Variants in COL4A3 observed in about 807,000 individuals in gnomAD.
COL4A3 encodes the protein collagen type IV alpha 3 chain.
COL4A3 carries 135 observed loss-of-function variants against 217.4 expected under a neutral mutation model. The ratio of observed to expected loss-of-function variants is 0.62; its 90% CI spans 0.54 to 0.72. The LOEUF (loss-of-function observed/expected upper bound fraction) is 0.72, where lower values mean the gene tolerates loss of function less well. Ranked by LOEUF, COL4A3 falls within the 30% of genes least tolerant of loss-of-function variation. The pLI, the probability that COL4A3 is intolerant of heterozygous loss-of-function variation, is 0.00. For missense variants in COL4A3, 1,868 were observed against 2,119.9 expected, an observed-to-expected ratio of 0.88 and a Z score of 2.33; for synonymous variants, 690 against 736.3, an observed-to-expected ratio of 0.94 and a Z score of 1.02.
chr2:227,175,158 T>TA (rs573055273), intron 1 of COL4A3, among the ~76,000 whole-genome samples: 23 of 152,130 alleles, frequency 1.5e-4, no homozygotes, highest in Non-Finnish European at 3.1e-4. Flanking sequence ...CTACCAATTT[T>TA]ACCACTTCTG....
At chr2:227,225,060 C>G (rs554204706) in intron 1 of COL4A3, among the ~76,000 whole-genome samples, 1 of 152,086 alleles carries the variant, frequency 6.6e-6, no homozygotes, top group African/African-American at 2.4e-5. Context: ...TACAGGCTTG[C>G]GCCACCATGC....
chr2:227,211,815 G>A (rs1216515983), intron 1 of COL4A3, among the ~76,000 whole-genome samples: 7 of 151,980 alleles, frequency 4.6e-5, no homozygotes, highest in South Asian at 2.1e-4. Context: ...GCGCCACCAC[G>A]CCCACCTAAT....
At chr2:227,166,304 G>C (rs2065276048) in intron 1 of COL4A3, among the ~76,000 whole-genome samples, 1 of 152,198 alleles carries the variant, frequency 6.6e-6, no homozygotes, top group Non-Finnish European at 1.5e-5. Flanking sequence ...AGGCATGATA[G>C]ATAAAACTCA....
Position 227,310,736 on chromosome 2 carries a change from A to G in COL4A3, c.4756-40A>G, listed in dbSNP as rs114123904. 7.7e-4 allele frequency: 1,220 copies of G among 1,586,846 alleles called. 10 individuals carry two copies. The African/African-American group carries it at 0.015, about 19-fold the overall frequency. The stretch of plus-strand genomic sequence containing the variant: ...TAGAGAATTGAAAATTTGAACCCCA[A>G]TGGACAGAGTGTTTATTCAGATTTT... On this transcript the variant is annotated intron_variant, in intron 50 of 51. Transcript: ENST00000396578.
intron 24 of COL4A3, among the ~76,000 whole-genome samples, chr2:227,270,526 G>GTATTAAATTA (rs1175001245): frequency 6.6e-6 from 1 of 152,088 alleles, no homozygotes; most frequent in African/African-American, 2.4e-5. Flanking sequence ...TTGTTCTATG[G>GTATTAAATTA]TATTAAATTA....
intron 1 of COL4A3, among the ~76,000 whole-genome samples, chr2:227,232,571 G>T (rs2068463618): frequency 6.6e-6 from 1 of 152,000 alleles, no homozygotes; most frequent in South Asian, 2.1e-4. Context: ...CATTTTAACT[G>T]GGGTGAGATG....
intron 1 of COL4A3, among the ~76,000 whole-genome samples, chr2:227,235,567 C>T (rs895762613): frequency 6.6e-6 from 1 of 152,032 alleles, no homozygotes; most frequent in African/African-American, 2.4e-5. Context: ...TACACTGTAC[C>T]CAGTGTGTGG....
At chr2:227,220,395 G>C (rs13415798) in intron 1 of COL4A3, among the ~76,000 whole-genome samples, 37,890 of 151,514 alleles carry the variant, frequency 0.25, 5,504 homozygotes, top group East Asian at 0.57. Context: ...GTTGGCCAGG[G>C]TGGTCTCAAA....
chr2:227,247,527 T>G, intron 7 of COL4A3, 31 bp from the exon 8 acceptor site: 2 of 1,612,662 alleles, frequency 1.2e-6, no homozygotes, highest in Non-Finnish European at 1.7e-6. Flanking sequence ...TTGATATTCC[T>G]CTAGTTGTTC....
At chr2:227,170,625 A>G (rs1577017031) in intron 1 of COL4A3, among the ~76,000 whole-genome samples, 1 of 152,174 alleles carries the variant, frequency 6.6e-6, no homozygotes, top group East Asian at 1.9e-4. Flanking sequence ...GAATTATGGG[A>G]GCTACAATTC....
chr2:227,254,872 A>G (rs751733499), intron 15 of COL4A3, among the ~76,000 whole-genome samples, 157 bp downstream of exon 15: 1 of 152,220 alleles, frequency 6.6e-6, no homozygotes, highest in Non-Finnish European at 1.5e-5. Flanking sequence ...CAAGTATCTA[A>G]GACGTTCAAG....
At chr2:227,302,699 A>AAAAAAAAAAAAAAAAAAAAAAAAAAAC (rs2073344480) in intron 43 of COL4A3, among the ~76,000 whole-genome samples, 1 of 131,062 alleles carries the variant, frequency 7.6e-6, no homozygotes, top group Non-Finnish European at 1.7e-5. Flanking sequence ...AAAAAAAAAA[A>AAAAAAAAAAAAAAAAAAAAAAAAAAAC]AAAAAAATCA....
intron 1 of COL4A3, among the ~76,000 whole-genome samples, chr2:227,206,152 C>T (rs1181571218): frequency 1.3e-5 from 2 of 152,090 alleles, no homozygotes; most frequent in Non-Finnish European, 2.9e-5. Context: ...CAGCTCACTG[C>T]AGCCTCCACC....
intron 21 of COL4A3, chr2:227,265,091 C>T (rs2070807978): frequency 6.6e-6 from 1 of 152,196 alleles, no homozygotes; most frequent in African/African-American, 2.4e-5. Context: ...AGGTCAAAGA[C>T]TGTGTCTTTT....
At position 227,246,911 on chromosome 2, in the gene COL4A3, G is replaced by A. The variant is rs951692358; in HGVS notation, c.441+173G>A. 4 of 732,554 alleles carry A rather than the reference G, an allele frequency of 5.5e-6. No homozygotes were observed. The African/African-American group carries it at 6.9e-5, about 13-fold the overall frequency. 45.4% of individuals were successfully genotyped at this position (732,554 alleles called of 1,614,324 possible). A position where few individuals can be genotyped will look rare whatever the true frequency, so the allele number is the denominator to read the frequency against. On this transcript the variant is annotated intron_variant, in intron 7 of 51. Coordinates refer to ENST00000396578, the MANE Select transcript of COL4A3 (RefSeq NM_000091.5). ...ATGAATACATGCATTATGAGTGTAG[G>A]ATTAGAGGTTGAGGCTTTGTTTTAC...
At chr2:227,249,230 A>ATATATATTTTTTTTTTTTTTT in intron 9 of COL4A3, among the ~76,000 whole-genome samples, 1 of 14,692 alleles carries the variant, frequency 6.8e-5, no homozygotes, top group Non-Finnish European at 1.2e-4. Context: ...ATATATATAT[A>ATATATATTTTTTTTTTTTTTT]TTTTTTTTTT....
chr2:227,208,020 C>T (rs1435241222), intron 1 of COL4A3, among the ~76,000 whole-genome samples: 1 of 151,552 alleles, frequency 6.6e-6, no homozygotes, highest in Non-Finnish European at 1.5e-5. Context: ...CTCCCCCCGC[C>T]CCCCCACACA....
chr2:227,236,448 A>G (rs1471010661), intron 1 of COL4A3, among the ~76,000 whole-genome samples: 1 of 152,198 alleles, frequency 6.6e-6, no homozygotes, highest in East Asian at 1.9e-4. Context: ...TTGGTTGCAT[A>G]AGTAGAATTC....
chr2:227,207,507 A>G lies in COL4A3; in HGVS notation c.88-30461A>G, dbSNP rs943395381. Among the ~76,000 whole-genome samples the G allele has an allele frequency of 2.0e-5, 3 of 152,146 alleles. No homozygotes were observed. In the East Asian group the frequency reaches 5.8e-4, roughly 29 times the overall value. ...TAATTAAAGTGACTTTTTATTCTAA[A>G]CCTAGCTTACGGGAAGGAGTACAGT... On this transcript the variant is annotated intron_variant, in intron 1 of 51. Coordinates refer to ENST00000396578, the MANE Select transcript of COL4A3 (RefSeq NM_000091.5).
Sources: allele counts gnomAD v4.1 joint callset (sites outside exome capture counted in the v4.1 genomes callset), GRCh38; gene constraint gnomAD v4.1.1; transcripts MANE v1.5; gene names NCBI Gene and HGNC (gene_info 2026-07-23, HGNC 2026-07-21).